Variants in ARID1B observed in about 807,000 individuals in gnomAD.
ARID1B encodes the protein AT-rich interaction domain 1B, also known as AT-rich interactive domain-containing protein 1B.
A neutral mutation model predicts 212.3 loss-of-function variants in ARID1B; 30 were observed. The ratio of observed to expected loss-of-function variants is 0.14; its 90% CI spans 0.11 to 0.19. The LOEUF is 0.19. Among genes scored for constraint, ARID1B ranks in the 10% least tolerant of loss-of-function variants. ARID1B has a pLI of 1.00. For missense variants in ARID1B, 2,891 were observed against 3,204.0 expected (o/e 0.90, Z 2.36); for synonymous variants, 1,402 against 1,301.7 (o/e 1.08, Z -1.66).
At chr6:156,850,130 C>G (rs958693717) in intron 2 of ARID1B, among the ~76,000 whole-genome samples, 1 of 151,166 alleles carries the variant, frequency 6.6e-6, no homozygotes, top group African/African-American at 2.4e-5. Flanking sequence ...CAGAAGAGAA[C>G]TGGACCAATT....
chr6:156,988,046 C>T (rs903338395), intron 4 of ARID1B, among the ~76,000 whole-genome samples: 1 of 152,148 alleles, frequency 6.6e-6, no homozygotes, highest in South Asian at 2.1e-4. Context: ...TAGATGCTTA[C>T]TGTTGGTACA....
At chr6:157,204,900 C>G (rs986931779) in intron 19 of ARID1B, 2 of 152,326 alleles carry the variant, frequency 1.3e-5, no homozygotes, top group Non-Finnish European at 1.5e-5. Flanking sequence ...TCTTCTACTT[C>G]TTTCTTCTCT....
chr6:157,163,423 C>T (rs191620662), intron 8 of ARID1B, among the ~76,000 whole-genome samples: 7 of 152,302 alleles, frequency 4.6e-5, no homozygotes, highest in Admixed American at 1.3e-4. Context: ...AAATCAGTGG[C>T]GTGCAGTGCG....
At chr6:157,082,224 A>G (rs1352770254) in intron 4 of ARID1B, among the ~76,000 whole-genome samples, 1 of 152,192 alleles carries the variant, frequency 6.6e-6, no homozygotes, top group East Asian at 1.9e-4. Context: ...GGCCTGTCCT[A>G]ATTCCTGTTT....
chr6:156,796,498 T>G (rs1780391731), intron 1 of ARID1B, among the ~76,000 whole-genome samples: 1 of 152,148 alleles, frequency 6.6e-6, no homozygotes, highest in South Asian at 2.1e-4. Context: ...AGGTATCTTT[T>G]GCCTAGAAAG....
At chr6:156,987,940 TTAATC>T (rs149790423) in intron 4 of ARID1B, among the ~76,000 whole-genome samples, 227 of 152,366 alleles carry the variant, frequency 1.5e-3, no homozygotes, top group African/African-American at 5.2e-3. Flanking sequence ...ATGCAAGTAA[TTAATC>T]TATAGCAGAT....
intron 1 of ARID1B, among the ~76,000 whole-genome samples, chr6:156,798,978 TA>T (rs1562393278): frequency 6.6e-6 from 1 of 152,220 alleles, no homozygotes; most frequent in Non-Finnish European, 1.5e-5. Context: ...TCTCTGATGT[TA>T]AAATGGCTAA....
In ARID1B at chr6:157,198,922, G is replaced by A. The variant is rs2128366852; in HGVS notation, c.4479+15G>A. ...CACAGCAGCCGGTGAGTTGGCAAGT[G>A]GGCGTGGGGTGCTGTGTTTTCTGGT... On this transcript the variant is annotated intron_variant, in intron 17 of 19. Coordinates refer to ENST00000636930, the MANE Select transcript of ARID1B (RefSeq NM_001374828.1). 3 of 1,580,052 alleles carry A rather than the reference G, an allele frequency of 1.9e-6. No individual in the cohort carries two copies. Among genetic ancestry groups the A allele is most frequent in the Non-Finnish European group, 2.6e-6 (3 of 1,158,360 alleles).
chr6:157,034,184 ATACT>A (rs1781180386), intron 4 of ARID1B, among the ~76,000 whole-genome samples: 1 of 152,206 alleles, frequency 6.6e-6, no homozygotes, highest in Non-Finnish European at 1.5e-5. Flanking sequence ...TGTATAATGG[ATACT>A]TAAATACATT....
chr6:156,974,720 G>C (rs1562521847), intron 4 of ARID1B, among the ~76,000 whole-genome samples: 1 of 152,160 alleles, frequency 6.6e-6, no homozygotes, highest in Non-Finnish European at 1.5e-5. Context: ...TTAGCTGTTT[G>C]TTAAATTGTT....
At chr6:157,097,918 G>A (rs918467667) in intron 5 of ARID1B, among the ~76,000 whole-genome samples, 1 of 152,156 alleles carries the variant, frequency 6.6e-6, no homozygotes, top group Non-Finnish European at 1.5e-5. Context: ...ACGGGTGGGG[G>A]AAACGACTAT....
intron 1 of ARID1B, among the ~76,000 whole-genome samples, chr6:156,807,183 C>G (rs1781230900): frequency 6.8e-6 from 1 of 146,990 alleles, no homozygotes; most frequent in Non-Finnish European, 1.5e-5. Flanking sequence ...TTGCACAACT[C>G]TTTATTCTCT....
intron 4 of ARID1B, among the ~76,000 whole-genome samples, chr6:156,947,637 A>T (rs1031494591): frequency 7.7e-5 from 6 of 77,450 alleles, no homozygotes; most frequent in African/African-American, 2.9e-4. Flanking sequence ...GGCTAATTTA[A>T]AAAAAAAAAA....
At chr6:156,964,615 G>T (rs188559237) in intron 4 of ARID1B, among the ~76,000 whole-genome samples, 38 of 152,288 alleles carry the variant, frequency 2.5e-4, no homozygotes, top group Non-Finnish European at 4.9e-4. Context: ...TATAAAAGTT[G>T]AAAGTTTGGA....
chr6:157,101,227 T>C (rs79777431), intron 5 of ARID1B, among the ~76,000 whole-genome samples: 8,348 of 152,294 alleles, frequency 0.055, 350 homozygotes, highest in Non-Finnish European at 0.086. Context: ...GAATTCTTGA[T>C]GAGTAGAAGA....
intron 3 of ARID1B, among the ~76,000 whole-genome samples, chr6:156,934,139 G>A (rs1791967213): frequency 6.6e-6 from 1 of 152,226 alleles, no homozygotes; most frequent in Non-Finnish European, 1.5e-5. Flanking sequence ...AGGGAAGGGA[G>A]ATAATTTTAT....
intron 1 of ARID1B, among the ~76,000 whole-genome samples, chr6:156,799,113 A>T (rs964198365): frequency 8.5e-5 from 13 of 152,222 alleles, no homozygotes; most frequent in African/African-American, 3.1e-4. Flanking sequence ...TTCCCTCATG[A>T]TATGTGGAAC....
intron 2 of ARID1B, among the ~76,000 whole-genome samples, chr6:156,856,654 G>A (rs2128118774): frequency 6.7e-6 from 1 of 149,068 alleles, no homozygotes; most frequent in South Asian, 2.1e-4. Context: ...TACATCCTGT[G>A]TGTGTGGGCA....
At chr6:157,019,736 A>G (rs189090328) in intron 4 of ARID1B, among the ~76,000 whole-genome samples, 8 of 152,260 alleles carry the variant, frequency 5.3e-5, no homozygotes, top group Admixed American at 5.2e-4. Flanking sequence ...ACTGTCATCT[A>G]ATTGCCTGCG....
Sources: gnomAD v4.1 joint callset for allele counts (sites outside exome capture counted in the v4.1 genomes callset) on GRCh38, gnomAD v4.1.1 for gene constraint, MANE v1.5 for transcripts, NCBI Gene and HGNC (gene_info 2026-07-23, HGNC 2026-07-21) for gene names.